STX6: variants seen among roughly 807,000 people sequenced by gnomAD.
The protein encoded by STX6 is syntaxin 6, also known as syntaxin-6.
In STX6, 23 loss-of-function variants were observed where a neutral mutation model predicts 38.0. The observed-to-expected ratio is 0.60, with a 90% CI of 0.43 to 0.86. The LOEUF (loss-of-function observed/expected upper bound fraction) is 0.86. Ranked by LOEUF, STX6 falls within the 40% of genes least tolerant of loss-of-function variation. STX6 has a pLI of 0.00. For missense variants in STX6, 274 were observed against 312.9 expected (o/e 0.88, Z 0.94); for synonymous variants, 123 against 107.5 (o/e 1.14, Z -0.89).
intron 2 of STX6, among the ~76,000 whole-genome samples, chr1:181,003,414 C>T (rs976492813): frequency 6.6e-6 from 1 of 152,086 alleles, no homozygotes; most frequent in Non-Finnish European, 1.5e-5. Flanking sequence ...TCTATTAAAA[C>T]TTTTGTTTTT....
At position 180,974,136 on chromosome 1, in the gene STX6, C is replaced by T. The variant is rs1047859516; in HGVS notation, c.*2434G>A. 2 of 152,206 alleles carry T rather than the reference C, an allele frequency of 1.3e-5. No homozygotes were observed. Among genetic ancestry groups the T allele is most frequent in the African/African-American group, 4.8e-5 (2 of 41,442 alleles). 9.4% of individuals were successfully genotyped at this position (152,206 alleles called of 1,614,324 possible). On this transcript the variant is annotated 3_prime_UTR_variant, in exon 8 of 8. Transcript: ENST00000258301. ...ATAAATGTAGGTTCCCTGGATTGTT[C>T]TCTTTGGCTGCCACATTTGGAGCCT...
Position 180,973,007 on chromosome 1 carries a change from C to G in STX6, c.*3563G>C, listed in dbSNP as rs1238276204. 1 of 158,578 alleles carries G rather than the reference C, an allele frequency of 6.3e-6. No homozygotes were observed. The highest frequency in any genetic ancestry group is 1.4e-5 in the Non-Finnish European group (1 of 72,030). 9.8% of individuals were successfully genotyped at this position (158,578 alleles called of 1,614,324 possible). ...GCGGACTTTGCTCAGGGATGGCGCACAGTGACTGCGGGGGCTTAAGTCCGG... is the reference window on the plus strand; with the variant it reads ...GCGGACTTTGCTCAGGGATGGCGCAGAGTGACTGCGGGGGCTTAAGTCCGG... On this transcript the variant is annotated 3_prime_UTR_variant, in exon 8 of 8. Coordinates refer to ENST00000258301, the MANE Select transcript of STX6 (RefSeq NM_005819.6).
At chr1:181,020,196 C>A (rs532845008) in intron 1 of STX6, among the ~76,000 whole-genome samples, 4 of 150,458 alleles carry the variant, frequency 2.7e-5, no homozygotes, top group Non-Finnish European at 5.9e-5. Context: ...GTCTGGGCAA[C>A]AGAACAAGAC....
At chr1:180,977,925 C>T (rs1460551829) in intron 7 of STX6, among the ~76,000 whole-genome samples, 2 of 152,196 alleles carry the variant, frequency 1.3e-5, no homozygotes, top group African/African-American at 4.8e-5. Context: ...TGGTGATCAC[C>T]TTGGTCTACC....
intron 4 of STX6, 38 bp from the exon 5 acceptor site, chr1:180,990,147 A>G (rs1482497652): frequency 6.2e-6 from 10 of 1,612,354 alleles, no homozygotes; most frequent in Non-Finnish European, 8.5e-6. Flanking sequence ...CAGGAGAAAC[A>G]AACAATTACT....
intron 3 of STX6, among the ~76,000 whole-genome samples, chr1:180,996,957 T>C (rs1053015981): frequency 6.6e-6 from 1 of 152,196 alleles, no homozygotes; most frequent in African/African-American, 2.4e-5. Flanking sequence ...CACTGAAGCA[T>C]GGTTTGCAAT....
chr1:180,983,792 C>T (rs1280295319), intron 7 of STX6, among the ~76,000 whole-genome samples: 1 of 152,072 alleles, frequency 6.6e-6, no homozygotes, highest in Non-Finnish European at 1.5e-5. Context: ...GGGCTGGGCG[C>T]GGTGGCTCAC....
At chr1:181,012,604 C>G (rs1161006084) in intron 1 of STX6, among the ~76,000 whole-genome samples, 1 of 151,624 alleles carries the variant, frequency 6.6e-6, no homozygotes, top group Non-Finnish European at 1.5e-5. Context: ...ACACTGCCCA[C>G]ATCTTTGAAG....
chr1:181,015,771 T>C (rs774174313), intron 1 of STX6, among the ~76,000 whole-genome samples: 1 of 151,978 alleles, frequency 6.6e-6, no homozygotes, highest in African/African-American at 2.4e-5. Flanking sequence ...GCAATTCTCC[T>C]GCCTCAGCCT....
intron 1 of STX6, among the ~76,000 whole-genome samples, chr1:181,009,708 T>C (rs1394489523): frequency 6.6e-6 from 1 of 151,658 alleles, no homozygotes; most frequent in East Asian, 1.9e-4. Context: ...AGCACAATAG[T>C]ACAGCCATTT....
At chr1:180,996,462 C>G (rs908134871) in intron 3 of STX6, among the ~76,000 whole-genome samples, 3 of 152,096 alleles carry the variant, frequency 2.0e-5, no homozygotes, top group African/African-American at 7.2e-5. Flanking sequence ...GACATTTTCT[C>G]CAATTAGACC....
chr1:181,015,954 T>C (rs1338044319), intron 1 of STX6, among the ~76,000 whole-genome samples: 3 of 152,240 alleles, frequency 2.0e-5, no homozygotes, highest in Non-Finnish European at 4.4e-5. Context: ...CCATCGCACC[T>C]GGCCCACAAA....
chr1:181,006,395 C>A (rs1015911167), intron 1 of STX6, among the ~76,000 whole-genome samples: 1 of 150,430 alleles, frequency 6.6e-6, no homozygotes, highest in African/African-American at 2.5e-5. Context: ...GAGAATGAGA[C>A]TAGGCCATTA....
At chr1:180,995,524 G>T (rs183334801) in intron 3 of STX6, among the ~76,000 whole-genome samples, 71 of 152,184 alleles carry the variant, frequency 4.7e-4, no homozygotes, top group Non-Finnish European at 9.1e-4. Flanking sequence ...TAAAAACTAC[G>T]CAGAGCAACA....
At chr1:181,007,282 A>G (rs1656252102) in intron 1 of STX6, among the ~76,000 whole-genome samples, 1 of 152,068 alleles carries the variant, frequency 6.6e-6, no homozygotes, top group Non-Finnish European at 1.5e-5. Context: ...TGTAATTTAA[A>G]TGCTATGTAA....
At chr1:180,986,786 G>C (rs1471133052) in intron 6 of STX6, among the ~76,000 whole-genome samples, 1 of 152,156 alleles carries the variant, frequency 6.6e-6, no homozygotes, top group African/African-American at 2.4e-5. Context: ...AGGTAGGGGT[G>C]TGTCAATGCA....
At chr1:180,997,644 T>C (rs549471332) in intron 3 of STX6, among the ~76,000 whole-genome samples, 2 of 152,336 alleles carry the variant, frequency 1.3e-5, no homozygotes, top group African/African-American at 2.4e-5. Context: ...AAATAAAATA[T>C]ATTAAGCTCA....
chr1:180,982,161 G>A lies in STX6; in HGVS notation c.691+2516C>T, dbSNP rs79473607. 5.4e-3 allele frequency among the ~76,000 whole-genome samples: 816 copies of A among 152,312 alleles called. 8 individuals are homozygous for A. Among genetic ancestry groups the A allele is most frequent in the African/African-American group, 0.017 (721 of 41,558 alleles). On this transcript the variant is annotated intron_variant, in intron 7 of 7. Transcript: ENST00000258301. Reference sequence around the variant, plus strand: ...CGGGGAGCGGAGATGGTCCGCCTGTGTGCCTGTAACTACTTAATCACACTT... The same window carrying A: ...CGGGGAGCGGAGATGGTCCGCCTGTATGCCTGTAACTACTTAATCACACTT...
intron 3 of STX6, among the ~76,000 whole-genome samples, chr1:181,000,698 A>T (rs1350001248): frequency 6.6e-6 from 1 of 152,194 alleles, no homozygotes; most frequent in Admixed American, 6.5e-5. Context: ...TCTTCTTTCC[A>T]TTATACCAAT....
Sources: allele counts gnomAD v4.1 joint callset (sites outside exome capture counted in the v4.1 genomes callset), GRCh38; gene constraint gnomAD v4.1.1; transcripts MANE v1.5; gene names NCBI Gene and HGNC (gene_info 2026-07-23, HGNC 2026-07-21).